The following SLC44A5 variants were observed in gnomAD, a reference collection of about 807,000 sequenced individuals.
The protein encoded by SLC44A5 is solute carrier family 44 member 5.
SLC44A5 carries 57 observed loss-of-function variants against 101.8 expected under a neutral mutation model. The observed-to-expected ratio is 0.56, with a 90% confidence interval of 0.45 to 0.70. The LOEUF (loss-of-function observed/expected upper bound fraction) is 0.70. Ranked by LOEUF, SLC44A5 falls within the 30% of genes least tolerant of loss-of-function variation. SLC44A5 has a pLI of 0.00. For missense variants in SLC44A5, 737 were observed against 853.1 expected (o/e 0.86, Z 1.70); for synonymous variants, 281 against 290.9 (o/e 0.97, Z 0.35).
intron 3 of SLC44A5, among the ~76,000 whole-genome samples, chr1:75,367,847 G>C (rs1440175624): frequency 7.2e-5 from 11 of 152,276 alleles, no homozygotes; most frequent in Non-Finnish European, 2.9e-5. Context: ...GGATCCCATA[G>C]CTCCCACAAA....
intron 2 of SLC44A5, among the ~76,000 whole-genome samples, chr1:75,400,317 A>G (rs1281619215): frequency 1.3e-5 from 2 of 152,208 alleles, no homozygotes; most frequent in East Asian, 3.8e-4. Context: ...ACAAACCTGC[A>G]CATGTATCCC....
rs147356098 is a variant in SLC44A5, at chr1:75,425,187, C to T, written c.14-28566G>A. Among the ~76,000 whole-genome samples, 514 of 152,252 alleles carry T rather than the reference C, an allele frequency of 3.4e-3. 7 individuals are homozygous for T. The highest frequency in any genetic ancestry group is 5.0e-3 in the Non-Finnish European group (342 of 68,020). ...AAACAAGAGGTACAGCAAAAGGAGC[C>T]AAGTATTGTGCAAGTGCAGCCCCAG... On this transcript the variant is annotated intron_variant, in intron 2 of 23. Transcript: ENST00000370859.
the SLC44A5 span, among the ~76,000 whole-genome samples, chr1:75,675,985 A>G: frequency 6.6e-6 from 1 of 152,260 alleles, no homozygotes; most frequent in African/African-American, 2.4e-5. Flanking sequence ...AATGCAATTC[A>G]AAACTGCAAT....
chr1:75,617,448 T>A, the SLC44A5 span, among the ~76,000 whole-genome samples: 2 of 152,196 alleles, frequency 1.3e-5, no homozygotes, highest in Non-Finnish European at 2.9e-5. Flanking sequence ...AGTCACTCAA[T>A]CTCTCTGCTC....
chr1:75,223,990 C>G (rs1333632977), intron 13 of SLC44A5, among the ~76,000 whole-genome samples: 1 of 152,166 alleles, frequency 6.6e-6, no homozygotes, highest in Non-Finnish European at 1.5e-5. Flanking sequence ...CTATATCTAA[C>G]TTCTGCCTTT....
chr1:75,358,211 C>T lies in SLC44A5; in HGVS notation c.53-18581G>A, dbSNP rs1291581652. Among the ~76,000 whole-genome samples, 4 of 151,990 alleles carry T rather than the reference C, an allele frequency of 2.6e-5. No homozygotes were observed. The East Asian group carries it at 5.8e-4, about 22-fold the overall frequency. ...ACAGTCAGGTTTTTCCAGTAGATACCTCAGGAAAAAATACTTGAAATAATG... is the reference window on the plus strand; with the variant it reads ...ACAGTCAGGTTTTTCCAGTAGATACTTCAGGAAAAAATACTTGAAATAATG... On this transcript the variant is annotated intron_variant, in intron 3 of 23. Coordinates refer to ENST00000370859, the MANE Select transcript of SLC44A5 (RefSeq NM_001130058.2).
At chr1:75,690,697 A>G in the SLC44A5 span, among the ~76,000 whole-genome samples, 2 of 152,348 alleles carry the variant, frequency 1.3e-5, no homozygotes, top group Non-Finnish European at 2.9e-5. Flanking sequence ...ACTCATTAAC[A>G]TACTAAATCA....
the SLC44A5 span, among the ~76,000 whole-genome samples, chr1:75,672,272 G>GA: frequency 1.3e-5 from 2 of 152,118 alleles, no homozygotes; most frequent in African/African-American, 4.8e-5. Context: ...GTCACAGAGG[G>GA]AAAAATCTGT....
intron 2 of SLC44A5, among the ~76,000 whole-genome samples, chr1:75,476,097 C>T (rs1384236023): frequency 2.6e-5 from 4 of 151,976 alleles, no homozygotes; most frequent in Admixed American, 6.6e-5. Context: ...GCATGAGAAT[C>T]GCTTGAACCC....
the SLC44A5 span, among the ~76,000 whole-genome samples, chr1:75,678,768 C>A: frequency 2.7e-3 from 407 of 152,164 alleles, 3 homozygotes; most frequent in African/African-American, 9.5e-3. Context: ...CGGAGAATGA[C>A]TTTGACGAGC....
chr1:75,581,321 C>G (rs176996), intron 1 of SLC44A5, among the ~76,000 whole-genome samples: 2 of 152,068 alleles, frequency 1.3e-5, no homozygotes, highest in Admixed American at 1.3e-4. Context: ...GAACATGGAG[C>G]CTGTTAAAAT....
intron 4 of SLC44A5, among the ~76,000 whole-genome samples, chr1:75,338,357 TCTG>T (rs779842611): frequency 6.6e-6 from 1 of 152,202 alleles, no homozygotes; most frequent in Non-Finnish European, 1.5e-5. Flanking sequence ...CAGGCATAAT[TCTG>T]CTCTCTTATC....
At chr1:75,436,522 AG>A (rs2101612790) in intron 2 of SLC44A5, among the ~76,000 whole-genome samples, 1 of 152,252 alleles carries the variant, frequency 6.6e-6, no homozygotes, top group South Asian at 2.1e-4. Flanking sequence ...CCATGAATGG[AG>A]GGTGCAGGTA....
At chr1:75,701,019 C>T in the SLC44A5 span, among the ~76,000 whole-genome samples, 4 of 152,130 alleles carry the variant, frequency 2.6e-5, no homozygotes, top group East Asian at 5.8e-4. Context: ...TAATTAATAG[C>T]TTACCAAACA....
chr1:75,721,747 T>C, the SLC44A5 span, among the ~76,000 whole-genome samples: 1 of 152,214 alleles, frequency 6.6e-6, no homozygotes, highest in Admixed American at 6.5e-5. Flanking sequence ...TCATGACAAC[T>C]GCTTGGTATC....
chr1:75,279,701 A>G (rs1026820137), intron 5 of SLC44A5, among the ~76,000 whole-genome samples: 2 of 151,678 alleles, frequency 1.3e-5, no homozygotes, highest in African/African-American at 2.4e-5. Flanking sequence ...AGTATCCCCA[A>G]ACAGTTTCCT....
intron 8 of SLC44A5, among the ~76,000 whole-genome samples, 157 bp from the exon 9 acceptor site, chr1:75,242,218 C>T (rs1479164362): frequency 6.6e-6 from 1 of 152,062 alleles, no homozygotes; most frequent in Non-Finnish European, 1.5e-5. Context: ...ATCACACACA[C>T]AATCTTGCTT....
intron 2 of SLC44A5, among the ~76,000 whole-genome samples, chr1:75,406,622 C>T (rs1286707250): frequency 6.6e-6 from 1 of 152,182 alleles, no homozygotes; most frequent in Admixed American, 6.5e-5. Context: ...ACACGATTAT[C>T]TTAATAGATG....
upstream of SLC44A5, among the ~76,000 whole-genome samples, chr1:75,611,528 A>G (rs1675656257): frequency 6.6e-6 from 1 of 152,188 alleles, no homozygotes; most frequent in Non-Finnish European, 1.5e-5. Flanking sequence ...ACTACCTCCA[A>G]CAAACAGCAG....
Sources: gnomAD v4.1 joint callset for allele counts (sites outside exome capture counted in the v4.1 genomes callset) on GRCh38, gnomAD v4.1.1 for gene constraint, MANE v1.5 for transcripts, NCBI Gene and HGNC (gene_info 2026-07-23, HGNC 2026-07-21) for gene names.